Variants in CCDC170 observed in about 807,000 individuals in gnomAD.
CCDC170 encodes the protein coiled-coil domain containing 170, also known as coiled-coil domain-containing protein 170.
CCDC170 carries 69 observed loss-of-function variants against 72.6 expected under a neutral mutation model. That is an observed-to-expected ratio of 0.95 (90% CI 0.78 to 1.16). CCDC170 has a LOEUF of 1.16. Ranked by LOEUF, CCDC170 falls within the 50% of genes most tolerant of loss-of-function variation. The pLI is 0.00. For missense variants in CCDC170, 852 were observed against 832.5 expected, an observed-to-expected ratio of 1.02 and a Z score of -0.29; for synonymous variants, 300 against 303.9, an observed-to-expected ratio of 0.99 and a Z score of 0.13.
intron 1 of CCDC170, among the ~76,000 whole-genome samples, chr6:151,523,997 A>T (rs1476593554): frequency 6.6e-6 from 1 of 152,122 alleles, no homozygotes; most frequent in Admixed American, 6.6e-5. Context: ...TGCAGGGGAG[A>T]GGGGATCCAG....
intron 1 of CCDC170, among the ~76,000 whole-genome samples, chr6:151,509,218 C>CTATG (rs201333919): frequency 2.6e-5 from 3 of 113,920 alleles, no homozygotes; most frequent in East Asian, 2.7e-4. Context: ...ATCTATCTAT[C>CTATG]TATGTATCTA....
At chr6:151,536,482 C>T in intron 2 of CCDC170, 36 bp downstream of exon 2, 1 of 1,606,524 alleles carries the variant, frequency 6.2e-7, no homozygotes, top group Non-Finnish European at 8.5e-7. Flanking sequence ...AGAAATGGGC[C>T]TTCTTAGCTT....
At chr6:151,565,092 G>A (rs1328055657) in intron 5 of CCDC170, among the ~76,000 whole-genome samples, 2 of 152,152 alleles carry the variant, frequency 1.3e-5, no homozygotes, top group African/African-American at 4.8e-5. Flanking sequence ...CTGTTAGTGG[G>A]GTGGGGTTGC....
At chr6:151,596,673 A>G in intron 9 of CCDC170, 96 bp downstream of exon 9, 1 of 1,497,674 alleles carries the variant, frequency 6.7e-7, no homozygotes, top group South Asian at 1.4e-5. Context: ...CGCCAGAAGA[A>G]GAAAGATGAA....
intron 3 of CCDC170, among the ~76,000 whole-genome samples, chr6:151,539,976 G>T (rs907156660): frequency 6.6e-6 from 1 of 152,092 alleles, no homozygotes; most frequent in Non-Finnish European, 1.5e-5. Flanking sequence ...AATCTAAATT[G>T]TGTCAGTTTT....
At chr6:151,591,495 A>G (rs1019867332) in intron 7 of CCDC170, among the ~76,000 whole-genome samples, 5 of 151,578 alleles carry the variant, frequency 3.3e-5, no homozygotes, top group African/African-American at 1.2e-4. Context: ...TGGATGCATT[A>G]AACAATTTTT....
chr6:151,527,613 G>A (rs1055894844), intron 1 of CCDC170, among the ~76,000 whole-genome samples: 2 of 152,168 alleles, frequency 1.3e-5, no homozygotes, highest in Non-Finnish European at 2.9e-5. Flanking sequence ...GACAGTAGGG[G>A]AGAGCTTCTT....
At chr6:151,563,828 T>G (rs1347105127) in intron 5 of CCDC170, among the ~76,000 whole-genome samples, 2 of 152,212 alleles carry the variant, frequency 1.3e-5, no homozygotes. Context: ...CTACCCTTTC[T>G]GTGGGGCTCT....
intron 5 of CCDC170, among the ~76,000 whole-genome samples, chr6:151,554,872 G>GATTTT (rs1256155008): frequency 9.8e-6 from 1 of 102,318 alleles, no homozygotes; most frequent in African/African-American, 3.7e-5. Flanking sequence ...TTGGACCTCA[G>GATTTT]TTTTTTTTTT....
chr6:151,535,708 A>G (rs186163107), intron 1 of CCDC170, among the ~76,000 whole-genome samples: 41 of 152,158 alleles, frequency 2.7e-4, no homozygotes, highest in African/African-American at 9.4e-4. Flanking sequence ...GGCAGAGGTC[A>G]AATACCATTT....
chr6:151,540,431 C>T, intron 3 of CCDC170, among the ~76,000 whole-genome samples: 1 of 116,232 alleles, frequency 8.6e-6, no homozygotes, highest in Admixed American at 1.2e-4. Flanking sequence ...GTTGCCCAGG[C>T]TGGAATGCAG....
intron 1 of CCDC170, among the ~76,000 whole-genome samples, chr6:151,524,996 A>G (rs562078732): frequency 1.4e-3 from 186 of 137,378 alleles, no homozygotes; most frequent in Non-Finnish European, 1.8e-3. Context: ...GCAGTGGTGC[A>G]ATCTCGGCTC....
chr6:151,588,483 A>G (rs1776487554), intron 7 of CCDC170, among the ~76,000 whole-genome samples: 1 of 152,200 alleles, frequency 6.6e-6, no homozygotes, highest in Non-Finnish European at 1.5e-5. Context: ...GTCCAGTTAG[A>G]TAGTCCAGTT....
intron 5 of CCDC170, among the ~76,000 whole-genome samples, chr6:151,561,414 G>A (rs979745058): frequency 6.6e-6 from 1 of 151,952 alleles, no homozygotes; most frequent in African/African-American, 2.4e-5. Context: ...CTGGTCTGGT[G>A]GTGATAAATT....
intron 3 of CCDC170, among the ~76,000 whole-genome samples, chr6:151,541,509 G>A (rs953466235): frequency 2.0e-5 from 3 of 152,010 alleles, no homozygotes; most frequent in Non-Finnish European, 2.9e-5. Context: ...ACACCACTGC[G>A]CCTGGCTGGA....
At chr6:151,612,000 C>A (rs762662269) in intron 9 of CCDC170, among the ~76,000 whole-genome samples, 2 of 152,146 alleles carry the variant, frequency 1.3e-5, no homozygotes, top group Non-Finnish European at 2.9e-5. Flanking sequence ...TGAGCCACTG[C>A]GCCTGGCCAA....
rs767096405 is a variant in CCDC170, at chr6:151,548,451, G to T, written c.736G>T (p.Ala246Ser). 1.2e-6 allele frequency: 2 copies of T among 1,608,846 alleles called. No homozygotes were observed. The highest frequency in any genetic ancestry group is 1.7e-5 in the Admixed American group (1 of 58,926). Residue 246 changes from alanine (A) to serine (S), a missense_variant, in exon 5 of 11, where the codon GCT becomes TCT. Transcript: ENST00000239374. Reference protein sequence around the residue: ...ASEVNREQKKAASCTEEKEKL... With the variant: ...ASEVNREQKKSASCTEEKEKL... ...AGAAGTCAACAGAGAGCAGAAAAAA[G>T]CTGCCTCCTGTACTGAAGAGAAAGA...
At chr6:151,501,828 A>G (rs1781999063) in intron 1 of CCDC170, among the ~76,000 whole-genome samples, 1 of 152,134 alleles carries the variant, frequency 6.6e-6, no homozygotes, top group Non-Finnish European at 1.5e-5. Context: ...ACTTTTTTCC[A>G]TGTTCAAGGA....
rs115043877 is a variant in CCDC170, at chr6:151,528,230, A to G, written c.58-8088A>G. On this transcript the variant is annotated intron_variant, in intron 1 of 10. Coordinates refer to ENST00000239374, the MANE Select transcript of CCDC170 (RefSeq NM_025059.4). ...GTCCTCAGGTGAGGACAAATGGATG[A>G]GTTTTTATTTAATCTTGCCATTTTA... Among the ~76,000 whole-genome samples the G allele has an allele frequency of 2.8e-3, 429 of 152,262 alleles. 3 individuals are homozygous for G. The highest frequency in any genetic ancestry group is 9.8e-3 in the African/African-American group (407 of 41,536).
Sources: allele counts gnomAD v4.1 joint callset (sites outside exome capture counted in the v4.1 genomes callset), GRCh38; gene constraint gnomAD v4.1.1; transcripts MANE v1.5; gene names NCBI Gene and HGNC (gene_info 2026-07-23, HGNC 2026-07-21).